ADAMTSL3: variants seen among roughly 807,000 people sequenced by gnomAD.
ADAMTSL3 encodes ADAMTS-like protein 3.
A neutral mutation model predicts 201.7 loss-of-function variants in ADAMTSL3; 128 were observed. That is an observed-to-expected ratio of 0.63 (90% CI 0.55 to 0.73). The LOEUF is 0.73. Among genes scored for constraint, ADAMTSL3 ranks in the 30% least tolerant of loss-of-function variants. The probability of loss-of-function intolerance (pLI) is 0.00; values close to 1 mark genes in which losing one functional copy is unlikely to be tolerated. For missense variants in ADAMTSL3, 1,990 were observed against 2,119.6 expected (o/e 0.94, Z 1.20); for synonymous variants, 738 against 748.4 (o/e 0.99, Z 0.23).
At chr15:83,698,926 G>A (rs2061726628) in intron 2 of ADAMTSL3, among the ~76,000 whole-genome samples, 1 of 151,816 alleles carries the variant, frequency 6.6e-6, no homozygotes, top group Non-Finnish European at 1.5e-5. Context: ...ACCTAATATA[G>A]GGTGTTTTCC....
chr15:83,723,970 A>G (rs2062136393), intron 3 of ADAMTSL3, among the ~76,000 whole-genome samples: 1 of 152,118 alleles, frequency 6.6e-6, no homozygotes, highest in Non-Finnish European at 1.5e-5. Context: ...ATTTTAATAC[A>G]AAGAAAGGAT....
chr15:83,884,820 C>G (rs182846483), intron 9 of ADAMTSL3, among the ~76,000 whole-genome samples: 5 of 152,174 alleles, frequency 3.3e-5, no homozygotes, highest in Admixed American at 3.3e-4. Context: ...AACGAACAAA[C>G]AAAAAAGTCT....
chr15:83,786,605 G>A (rs996629100), intron 4 of ADAMTSL3, among the ~76,000 whole-genome samples: 2 of 151,742 alleles, frequency 1.3e-5, no homozygotes, highest in African/African-American at 4.8e-5. Flanking sequence ...ATACTGCTAT[G>A]GCATTATTTA....
At chr15:83,948,793 T>C (rs1465112437) in intron 19 of ADAMTSL3, among the ~76,000 whole-genome samples, 1 of 152,178 alleles carries the variant, frequency 6.6e-6, no homozygotes, top group Non-Finnish European at 1.5e-5. Context: ...TTACTCATTT[T>C]TATTATGTGT....
chr15:83,801,651 A>AATATAAATAT (rs1555445598), intron 4 of ADAMTSL3, among the ~76,000 whole-genome samples: 32 of 31,232 alleles, frequency 1.0e-3, no homozygotes, highest in East Asian at 1.8e-3. Context: ...TATAAATATA[A>AATATAAATAT]ATATATATAT....
chr15:83,873,698 C>T (rs2065123970), intron 9 of ADAMTSL3, among the ~76,000 whole-genome samples: 1 of 145,334 alleles, frequency 6.9e-6, no homozygotes, highest in African/African-American at 2.6e-5. Flanking sequence ...TATTATAAAA[C>T]TCATTTTCCT....
At chr15:83,912,403 C>G (rs2065950574) in intron 15 of ADAMTSL3, among the ~76,000 whole-genome samples, 1 of 152,162 alleles carries the variant, frequency 6.6e-6, no homozygotes, top group East Asian at 1.9e-4. Context: ...AAATGATTCT[C>G]AGCTGGTAGG....
At chr15:83,782,486 C>T (rs1046544332) in intron 4 of ADAMTSL3, among the ~76,000 whole-genome samples, 2 of 151,962 alleles carry the variant, frequency 1.3e-5, no homozygotes, top group Middle Eastern at 3.2e-3. Flanking sequence ...CCTCAAAAAA[C>T]AAATTGTAAA....
chr15:83,734,197 G>GT (rs1452822689), intron 3 of ADAMTSL3, among the ~76,000 whole-genome samples: 1 of 152,110 alleles, frequency 6.6e-6, no homozygotes. Context: ...ATTTTTGTGG[G>GT]TTTTTTAAAG....
In ADAMTSL3 at chr15:83,982,413, T is replaced by G. The variant is rs751746742; in HGVS notation, c.2785T>G (p.Ser929Ala). 18 of 1,613,950 alleles carry G rather than the reference T, an allele frequency of 1.1e-5. No homozygotes were observed. The Admixed American group carries it at 2.8e-4, about 25-fold the overall frequency. ...GSRAYLLPNTSVIIKCPVRRF... is the reference protein window; with the variant it reads ...GSRAYLLPNTAVIIKCPVRRF... Reference sequence around the variant, plus strand: ...CAGAGCCTATTTGCTGCCCAACACATCCGTGATTATTAAGTGCCCCGTGCG... The same window carrying G: ...CAGAGCCTATTTGCTGCCCAACACAGCCGTGATTATTAAGTGCCCCGTGCG... The change falls in exon 21 of 30, where the codon TCC becomes GCC. Residue 929 changes from serine to alanine, a missense_variant. Ser to Ala is a moderately conservative substitution (Grantham distance 99). Coordinates refer to ENST00000286744, the MANE Select transcript of ADAMTSL3 (RefSeq NM_207517.3).
intron 23 of ADAMTSL3, among the ~76,000 whole-genome samples, chr15:84,013,670 G>A (rs921914364): frequency 6.6e-6 from 1 of 152,180 alleles, no homozygotes; most frequent in Admixed American, 6.5e-5. Context: ...GCTACTTGGA[G>A]GCTGAGGAAG....
In ADAMTSL3 at chr15:83,669,691, A is replaced by G. The variant is rs543460259; in HGVS notation, c.69+13861A>G. On this transcript the variant is annotated intron_variant, in intron 2 of 29. Transcript: ENST00000286744. ...CACCCTGTTAGCCAGGATGGTCTCA[A>G]TCTCCTGACGTCGTGATCTGTCCGC... 3.3e-5 allele frequency among the ~76,000 whole-genome samples: 5 copies of G among 150,560 alleles called. No individual in the cohort carries two copies. The East Asian group carries it at 1.0e-3, about 31-fold the overall frequency.
intron 7 of ADAMTSL3, among the ~76,000 whole-genome samples, chr15:83,842,059 T>C (rs1276159526): frequency 6.6e-6 from 1 of 151,288 alleles, no homozygotes; most frequent in Non-Finnish European, 1.5e-5. Context: ...CCCATCCCCC[T>C]TCTGCCTTCC....
chr15:83,767,478 CA>C (rs1170247435), intron 3 of ADAMTSL3, among the ~76,000 whole-genome samples: 8 of 152,162 alleles, frequency 5.3e-5, no homozygotes, highest in Non-Finnish European at 1.2e-4. Context: ...GATGTTTGAA[CA>C]GGGGGAATTG....
chr15:83,869,909 G>C (rs939884578), intron 8 of ADAMTSL3, among the ~76,000 whole-genome samples: 2 of 152,038 alleles, frequency 1.3e-5, no homozygotes, highest in African/African-American at 4.8e-5. Flanking sequence ...AGAAACGCAG[G>C]TGCCCCAGAA....
At chr15:83,800,362 T>A (rs1466000669) in intron 4 of ADAMTSL3, among the ~76,000 whole-genome samples, 2 of 152,152 alleles carry the variant, frequency 1.3e-5, no homozygotes, top group Non-Finnish European at 2.9e-5. Flanking sequence ...GGTTTATATT[T>A]TCAGGCTCAA....
chr15:83,744,167 A>T (rs1400394105), intron 3 of ADAMTSL3, among the ~76,000 whole-genome samples: 1 of 152,158 alleles, frequency 6.6e-6, no homozygotes, highest in Non-Finnish European at 1.5e-5. Context: ...TTTTATTTTA[A>T]AAAAAGGCAA....
chr15:83,851,637 A>G (rs1395020054), intron 7 of ADAMTSL3, among the ~76,000 whole-genome samples: 1 of 152,210 alleles, frequency 6.6e-6, no homozygotes, highest in Non-Finnish European at 1.5e-5. Context: ...TGTAAAAAAA[A>G]TCCAGAATAT....
At chr15:83,942,454 A>G in intron 17 of ADAMTSL3, 142 bp from the exon 18 acceptor site, 1 of 668,352 alleles carries the variant, frequency 1.5e-6, no homozygotes, top group Non-Finnish European at 2.5e-6. Flanking sequence ...GCGTATATTG[A>G]TGGAGATGCT....
Sources: gnomAD v4.1 joint callset for allele counts (sites outside exome capture counted in the v4.1 genomes callset) on GRCh38, gnomAD v4.1.1 for gene constraint, MANE v1.5 for transcripts, NCBI Gene and HGNC (gene_info 2026-07-23, HGNC 2026-07-21) for gene names.